Variants in CYP7B1 observed in about 807,000 individuals in gnomAD.
The protein encoded by CYP7B1 is cytochrome P450 7B1.
A neutral mutation model predicts 42.7 loss-of-function variants in CYP7B1; 29 were observed. That is an observed-to-expected ratio of 0.68 (90% confidence interval 0.51 to 0.93). The LOEUF (loss-of-function observed/expected upper bound fraction) is 0.93. Among genes scored for constraint, CYP7B1 ranks in the 40% least tolerant of loss-of-function variants. The probability of loss-of-function intolerance (pLI) is 0.00; values close to 1 mark genes in which losing one functional copy is unlikely to be tolerated. For synonymous variants in CYP7B1, 235 were observed against 218.2 expected (o/e 1.08, Z -0.68); for missense variants, 655 against 600.5 (o/e 1.09, Z -0.95).
chr8:64,616,772 A>G (rs2129630238), intron 2 of CYP7B1, among the ~76,000 whole-genome samples: 1 of 152,328 alleles, frequency 6.6e-6, no homozygotes, highest in African/African-American at 2.4e-5. Flanking sequence ...TACTGTATGG[A>G]GCAGGTACTC....
At chr8:64,621,332 G>A (rs1457817080) in intron 2 of CYP7B1, among the ~76,000 whole-genome samples, 1 of 152,208 alleles carries the variant, frequency 6.6e-6, no homozygotes, top group Admixed American at 6.5e-5. Flanking sequence ...TGTATTAAAT[G>A]CTCCTACAGA....
In CYP7B1 at chr8:64,593,721, C is replaced by G. The variant is rs1247597704; in HGVS notation, c.*2921G>C. On this transcript the variant is annotated 3_prime_UTR_variant, in exon 6 of 6. Coordinates refer to ENST00000310193, the MANE Select transcript of CYP7B1 (RefSeq NM_004820.5). ...AAGCCATTCCTGGTAACAGTGACAG[C>G]AAAACACATAAACTACAGAATTAGA... is the stretch of plus-strand genomic sequence containing the variant. 6.6e-6 allele frequency among the ~76,000 whole-genome samples: 1 copy of G among 151,936 alleles called. No individual in the cohort carries two copies. The highest frequency in any genetic ancestry group is 2.4e-5 in the African/African-American group (1 of 41,350).
At chr8:64,635,735 T>C (rs886071922) in intron 1 of CYP7B1, among the ~76,000 whole-genome samples, 4 of 152,238 alleles carry the variant, frequency 2.6e-5, no homozygotes, top group Admixed American at 2.6e-4. Flanking sequence ...ATGAATATGA[T>C]GAAATGTATT....
chr8:64,645,930 GA>G (rs908159236), intron 1 of CYP7B1, among the ~76,000 whole-genome samples: 1 of 151,654 alleles, frequency 6.6e-6, no homozygotes, highest in Admixed American at 6.6e-5. Context: ...CAAACCTGAG[GA>G]AAAAAAAGCA....
At chr8:64,639,144 C>A (rs542382131) in intron 1 of CYP7B1, among the ~76,000 whole-genome samples, 1 of 151,718 alleles carries the variant, frequency 6.6e-6, no homozygotes, top group African/African-American at 2.4e-5. Context: ...AAAACAGAAG[C>A]TACTGTTAGA....
At chr8:64,689,177 A>T (rs1806701191) in intron 1 of CYP7B1, among the ~76,000 whole-genome samples, 1 of 152,244 alleles carries the variant, frequency 6.6e-6, no homozygotes, top group Non-Finnish European at 1.5e-5. Context: ...TGTCCTATGC[A>T]AGTTCACTGT....
At chr8:64,724,465 T>C (rs1359025295) in intron 1 of CYP7B1, among the ~76,000 whole-genome samples, 4 of 152,130 alleles carry the variant, frequency 2.6e-5, no homozygotes, top group Non-Finnish European at 5.9e-5. Context: ...GAATTTTTTT[T>C]CCAAAAGTCC....
chr8:64,783,295 T>C (rs1277467710), intron 1 of CYP7B1, among the ~76,000 whole-genome samples: 1 of 152,136 alleles, frequency 6.6e-6, no homozygotes, highest in Non-Finnish European at 1.5e-5. Context: ...AATTAAGTAA[T>C]TAGAAACAGA....
At chr8:64,598,039 C>T (rs910843250) in intron 5 of CYP7B1, among the ~76,000 whole-genome samples, 1 of 152,088 alleles carries the variant, frequency 6.6e-6, no homozygotes, top group African/African-American at 2.4e-5. Flanking sequence ...GACAGTGAAC[C>T]ATTTCCTTTA....
intron 1 of CYP7B1, among the ~76,000 whole-genome samples, chr8:64,763,826 C>T (rs1433299008): frequency 1.3e-5 from 2 of 152,252 alleles, no homozygotes; most frequent in Non-Finnish European, 2.9e-5. Context: ...GTCGCCCATG[C>T]GTGTGCCCCT....
chr8:64,749,571 C>T (rs1363333313), intron 1 of CYP7B1, among the ~76,000 whole-genome samples: 1 of 152,086 alleles, frequency 6.6e-6, no homozygotes, highest in African/African-American at 2.4e-5. Flanking sequence ...TTATTGAATC[C>T]TAAAGCTAGA....
At chr8:64,636,078 C>A (rs543223303) in intron 1 of CYP7B1, among the ~76,000 whole-genome samples, 1 of 152,284 alleles carries the variant, frequency 6.6e-6, no homozygotes, top group East Asian at 1.9e-4. Context: ...AATTGAGTTT[C>A]GAGCAGGCCC....
chr8:64,769,423 A>T (rs1006018774), intron 1 of CYP7B1, among the ~76,000 whole-genome samples: 1 of 152,194 alleles, frequency 6.6e-6, no homozygotes, highest in African/African-American at 2.4e-5. Context: ...GTTAGAAAAA[A>T]AATAAAGTCT....
chr8:64,720,568 A>G (rs528102770), intron 1 of CYP7B1, among the ~76,000 whole-genome samples: 6 of 152,194 alleles, frequency 3.9e-5, no homozygotes, highest in Non-Finnish European at 8.8e-5. Context: ...CAATGCAAAA[A>G]CATCCACTAA....
intron 1 of CYP7B1, among the ~76,000 whole-genome samples, chr8:64,759,094 T>C (rs1807849592): frequency 6.6e-6 from 1 of 152,216 alleles, no homozygotes; most frequent in Non-Finnish European, 1.5e-5. Flanking sequence ...TAAGATGGGC[T>C]TCCTACTCTG....
chr8:64,760,706 TTGA>T (rs1289328269), intron 1 of CYP7B1, among the ~76,000 whole-genome samples: 1 of 151,990 alleles, frequency 6.6e-6, no homozygotes, highest in Non-Finnish European at 1.5e-5. Context: ...ATAACAAGTA[TTGA>T]TGAGGGTGTG....
At chr8:64,775,770 A>C (rs1228203292) in intron 1 of CYP7B1, among the ~76,000 whole-genome samples, 1 of 152,124 alleles carries the variant, frequency 6.6e-6, no homozygotes, top group East Asian at 1.9e-4. Flanking sequence ...GCTGAAAAGA[A>C]GGGTACCATC....
intron 1 of CYP7B1, among the ~76,000 whole-genome samples, chr8:64,752,134 A>G (rs1470696346): frequency 6.6e-6 from 1 of 151,922 alleles, no homozygotes; most frequent in Non-Finnish European, 1.5e-5. Flanking sequence ...ACTCATTGCC[A>G]GCAGATGCCA....
rs543194725 is a variant in CYP7B1, at chr8:64,666,644, T to C, written c.123-42105A>G. On this transcript the variant is annotated intron_variant, in intron 1 of 5. Coordinates refer to ENST00000310193, the MANE Select transcript of CYP7B1 (RefSeq NM_004820.5). ...TGACACTAACTTATAACTGATTTAA[T>C]GAAGGTAAATGAGTAAAGTTTATCA... Among the ~76,000 whole-genome samples, 15 of 152,338 alleles carry C rather than the reference T, an allele frequency of 9.8e-5. No homozygotes were observed. In the South Asian group the frequency reaches 3.1e-3, roughly 32 times the overall value.
Sources: allele counts gnomAD v4.1 joint callset (sites outside exome capture counted in the v4.1 genomes callset), GRCh38; gene constraint gnomAD v4.1.1; transcripts MANE v1.5; gene names NCBI Gene and HGNC (gene_info 2026-07-23, HGNC 2026-07-21).